Variants in TP63 observed in about 807,000 individuals in gnomAD.
TP63 encodes tumor protein 63.
TP63 carries 17 observed loss-of-function variants against 82.8 expected under a neutral mutation model. The observed-to-expected ratio is 0.21, with a 90% confidence interval of 0.14 to 0.31. The LOEUF (loss-of-function observed/expected upper bound fraction) is 0.31, where lower values mean the gene tolerates loss of function less well. TP63 is among the 10% of genes least tolerant of loss of function. The pLI is 1.00. For missense variants in TP63, 648 were observed against 895.3 expected (o/e 0.72, Z 3.52); for synonymous variants, 330 against 321.7 (o/e 1.03, Z -0.28).
chr3:189,880,232 A>AGTGT, intron 10 of TP63: 2 of 1,573,428 alleles, frequency 1.3e-6, no homozygotes, highest in South Asian at 2.4e-5. Context: ...TGTATATGTG[A>AGTGT]GTGTGTGTGT....
intron 1 of TP63, among the ~76,000 whole-genome samples, chr3:189,641,456 A>G (rs778186437): frequency 1.1e-4 from 17 of 152,132 alleles, no homozygotes; most frequent in Non-Finnish European, 2.1e-4. Flanking sequence ...AGTGTTTCTA[A>G]TAATCATGAT....
In TP63 at chr3:189,840,356, CGTCTTT is replaced by C. The variant is rs1187331313; in HGVS notation, c.580-23875_580-23870del. ...ATTGAGTTTTTTCTTTTTTGCTTTTCGTCTTTTTTTTTTTTTTTTTTTTTTTTTTTT... is the reference window on the plus strand; with the variant it reads ...ATTGAGTTTTTTCTTTTTTGCTTTTCTTTTTTTTTTTTTTTTTTTTTTTTT... On this transcript the variant is annotated intron_variant, in intron 4 of 13. Coordinates refer to ENST00000264731, the MANE Select transcript of TP63 (RefSeq NM_003722.5). Among the ~76,000 whole-genome samples the C allele has an allele frequency of 5.8e-3, 151 of 26,220 alleles. 7 individuals are homozygous for C. Among genetic ancestry groups the C allele is most frequent in the Non-Finnish European group, 7.7e-3 (83 of 10,754 alleles). 17.2% of individuals were successfully genotyped at this position (26,220 alleles called of 152,430 possible). A position where few individuals can be genotyped will look rare whatever the true frequency, so the allele number is the denominator to read the frequency against.
At chr3:189,609,688 A>G in the TP63 span, among the ~76,000 whole-genome samples, 1 of 152,106 alleles carries the variant, frequency 6.6e-6, no homozygotes, top group Admixed American at 6.6e-5. Flanking sequence ...ACCTCCATTC[A>G]TGTTCATGCA....
At chr3:189,771,471 AATAT>A (rs1376187950) in intron 3 of TP63, among the ~76,000 whole-genome samples, 1 of 142,798 alleles carries the variant, frequency 7.0e-6, no homozygotes, top group African/African-American at 2.6e-5. Context: ...TATAATATTT[AATAT>A]ATAATTAATT....
chr3:189,798,358 C>A (rs1725937451), intron 3 of TP63, among the ~76,000 whole-genome samples: 1 of 151,834 alleles, frequency 6.6e-6, no homozygotes, highest in Admixed American at 6.6e-5. Flanking sequence ...TTTAATAAGC[C>A]CAATATTATT....
At chr3:189,720,005 G>A (rs9815203) in intron 1 of TP63, among the ~76,000 whole-genome samples, 35,703 of 152,010 alleles carry the variant, frequency 0.23, 4,818 homozygotes, top group South Asian at 0.34. Context: ...TTCAGTAGCA[G>A]TTTTCACTGT....
intron 1 of TP63, among the ~76,000 whole-genome samples, chr3:189,696,608 T>C (rs1717398412): frequency 1.3e-5 from 2 of 152,274 alleles, no homozygotes; most frequent in South Asian, 2.1e-4. Flanking sequence ...TTTTTGGCTC[T>C]GTAAGAAACT....
At position 189,894,266 on chromosome 3, in the gene TP63, G is replaced by C. The variant is rs767906723; in HGVS notation, c.1807G>C (p.Asp603His). The change falls in exon 14 of 14, where the codon GAC (aspartate) becomes CAC (histidine). Residue 603 changes from aspartate to histidine, a missense_variant. Around this residue, in one of 5 missense-constraint regions of TP63, gnomAD observed 342 missense variants for 425.7 expected, o/e 0.80. Transcript: ENST00000264731. ...FRHAIWKGIL[D>H]HRQLHEFSSP... ...ACATGCGATCTGGAAGGGCATCCTG[G>C]ACCACCGGCAGCTCCACGAATTCTC... 1.2e-5 allele frequency: 19 copies of C among 1,613,884 alleles called. No individual in the cohort carries two copies. The East Asian group carries it at 4.0e-4, about 34-fold the overall frequency.
At chr3:189,771,092 A>G (rs987069617) in intron 3 of TP63, among the ~76,000 whole-genome samples, 1 of 151,500 alleles carries the variant, frequency 6.6e-6, no homozygotes, top group African/African-American at 2.4e-5. Context: ...TCATTAGTGA[A>G]CAGGTTAGTA....
intron 5 of TP63, 123 bp downstream of exon 5, chr3:189,864,541 C>CTTTTTTT (rs10714778): frequency 9.3e-6 from 2 of 215,504 alleles, no homozygotes; most frequent in South Asian, 5.9e-5. Flanking sequence ...ATCAGTCTGC[C>CTTTTTTT]TTTTTTTTTT....
At chr3:189,790,530 T>G (rs989043903) in intron 3 of TP63, among the ~76,000 whole-genome samples, 2 of 152,112 alleles carry the variant, frequency 1.3e-5, no homozygotes, top group African/African-American at 4.8e-5. Context: ...TTATTTGCAT[T>G]TCTGATCTCT....
chr3:189,784,423 TAC>T (rs1285298569), intron 3 of TP63, among the ~76,000 whole-genome samples: 3 of 152,080 alleles, frequency 2.0e-5, no homozygotes, highest in African/African-American at 4.8e-5. Context: ...AGTCTCAAAA[TAC>T]ACAGATTCGG....
chr3:189,719,116 A>G (rs563274623), intron 1 of TP63, among the ~76,000 whole-genome samples: 3 of 152,258 alleles, frequency 2.0e-5, no homozygotes, highest in Admixed American at 6.5e-5. Context: ...AGATGCAGAC[A>G]AGGACAAAAG....
At position 189,808,415 on chromosome 3, in the gene TP63, C is replaced by A; in HGVS notation, c.468C>A (p.Phe156Leu). 6.2e-7 allele frequency: 1 copy of A among 1,614,194 alleles called. No homozygotes were observed. ...PSPYAQPSST[F>L]DALSPSPAIP... ...CCTACGCACAGCCCAGCTCCACCTT[C>A]GATGCTCTCTCTCCATCACCCGCCA... The change falls in exon 4 of 14, where the codon TTC (phenylalanine) becomes TTA (leucine). Residue 156 changes from phenylalanine (F) to leucine (L), a missense_variant. Physicochemically the swap from Phe to Leu is conservative, Grantham distance 22. Around this residue, in one of 5 missense-constraint regions of TP63, gnomAD observed 182 missense variants for 213.6 expected, o/e 0.85. Coordinates refer to ENST00000264731, the MANE Select transcript of TP63 (RefSeq NM_003722.5).
chr3:189,733,095 A>T (rs1207625932), intron 1 of TP63, among the ~76,000 whole-genome samples: 2 of 152,126 alleles, frequency 1.3e-5, no homozygotes, highest in Admixed American at 6.6e-5. Flanking sequence ...TTCACAGCTG[A>T]TTATGGTGAC....
intron 3 of TP63, among the ~76,000 whole-genome samples, chr3:189,779,693 C>T (rs566442412): frequency 6.6e-6 from 1 of 152,322 alleles, no homozygotes; most frequent in South Asian, 2.1e-4. Flanking sequence ...GAGTTCCAAG[C>T]TCCAGCCTTA....
intron 4 of TP63, among the ~76,000 whole-genome samples, chr3:189,863,118 G>GC (rs907007289): frequency 2.0e-5 from 3 of 152,026 alleles, no homozygotes; most frequent in Admixed American, 1.3e-4. Flanking sequence ...CTATGGCTCT[G>GC]CCCCCCCACC....
the TP63 span, among the ~76,000 whole-genome samples, chr3:189,599,113 C>T: frequency 0.22 from 33,574 of 152,156 alleles, 4,364 homozygotes; most frequent in Admixed American, 0.32. Context: ...TAACTTGCTT[C>T]AACATTATAT....
At chr3:189,779,312 C>T (rs1226054421) in intron 3 of TP63, among the ~76,000 whole-genome samples, 2 of 152,190 alleles carry the variant, frequency 1.3e-5, no homozygotes, top group Non-Finnish European at 1.5e-5. Context: ...AACCAGCAGC[C>T]TCCATAGGCC....
Sources: allele counts gnomAD v4.1 joint callset (sites outside exome capture counted in the v4.1 genomes callset), GRCh38; gene constraint gnomAD v4.1.1; regional missense constraint gnomAD v4.1.1; transcripts MANE v1.5; gene names NCBI Gene and HGNC (gene_info 2026-07-23, HGNC 2026-07-21).